The following C16orf78 variants were observed in gnomAD, a reference collection of about 807,000 sequenced individuals.
The protein encoded by C16orf78 is uncharacterized protein C16orf78.
A neutral mutation model predicts 27.3 loss-of-function variants in C16orf78; 19 were observed. The ratio of observed to expected loss-of-function variants is 0.70; its 90% CI spans 0.49 to 1.02. The LOEUF is 1.02. Ranked by LOEUF, C16orf78 falls within the 50% of genes least tolerant of loss-of-function variation. The probability of loss-of-function intolerance (pLI) is 0.00; values close to 1 mark genes in which losing one functional copy is unlikely to be tolerated. For missense variants in C16orf78, 339 were observed against 337.0 expected, an observed-to-expected ratio of 1.01 and a Z score of -0.05; for synonymous variants, 130 against 116.1, an observed-to-expected ratio of 1.12 and a Z score of -0.77.
intron 1 of C16orf78, among the ~76,000 whole-genome samples, chr16:49,375,267 A>G (rs1264215805): frequency 1.3e-5 from 2 of 152,148 alleles, no homozygotes; most frequent in African/African-American, 4.8e-5. Flanking sequence ...TTGTGTGCTT[A>G]CTTACTGTAT....
At chr16:49,375,661 C>T (rs1318722155) in intron 1 of C16orf78, among the ~76,000 whole-genome samples, 1 of 152,134 alleles carries the variant, frequency 6.6e-6, no homozygotes, top group Admixed American at 6.5e-5. Flanking sequence ...TGGGGAGAGA[C>T]GCAGATCCAA....
intron 3 of C16orf78, among the ~76,000 whole-genome samples, chr16:49,388,467 C>T (rs1965375480): frequency 6.6e-6 from 1 of 152,096 alleles, no homozygotes; most frequent in Non-Finnish European, 1.5e-5. Flanking sequence ...TCATTATTTA[C>T]CCAAAAGTCA....
At chr16:49,396,720 G>T in intron 4 of C16orf78, 42 bp downstream of exon 4, 1 of 1,587,390 alleles carries the variant, frequency 6.3e-7, no homozygotes, top group South Asian at 1.1e-5. Flanking sequence ...TGGGGTCCTG[G>T]AACAGGCTTT....
intron 3 of C16orf78, among the ~76,000 whole-genome samples, chr16:49,385,067 C>G (rs1177229383): frequency 6.6e-6 from 1 of 151,986 alleles, no homozygotes; most frequent in African/African-American, 2.4e-5. Context: ...TAAAAGGACA[C>G]TAATTAACAA....
chr16:49,392,785 C>T (rs931462188), intron 3 of C16orf78, among the ~76,000 whole-genome samples: 2 of 152,132 alleles, frequency 1.3e-5, no homozygotes, highest in South Asian at 2.1e-4. Context: ...ATAAATGATG[C>T]TATCACCCAA....
At chr16:49,382,305 C>A (rs914963098) in intron 3 of C16orf78, among the ~76,000 whole-genome samples, 1 of 151,994 alleles carries the variant, frequency 6.6e-6, no homozygotes, top group South Asian at 2.1e-4. Flanking sequence ...AGGAGATATA[C>A]CTAATGCTAG....
rs1965185021 is a variant in C16orf78, at chr16:49,373,948, G to T, written c.9G>T (p.Glu3Asp). The T allele has an allele frequency of 6.2e-7, 1 of 1,614,026 alleles. No homozygotes were observed. Among genetic ancestry groups the T allele is most frequent in the Admixed American group, 1.7e-5 (1 of 60,000 alleles). MS[E>D]QQMDLKDLMP... ...ACTAGCAAGACTCCACAATGTCAGA[G>T]CAACAAATGGACCTGAAGGATTTAA... The change falls in exon 1 of 5, where the codon GAG (glutamate) becomes GAT (aspartate). Residue 3 changes from glutamate (E) to aspartate (D), a missense_variant. Glu to Asp is a conservative substitution (Grantham distance 45, BLOSUM62 2). Transcript: ENST00000299191.
At chr16:49,393,250 A>C (rs755320892) in intron 3 of C16orf78, among the ~76,000 whole-genome samples, 15 of 152,198 alleles carry the variant, frequency 9.9e-5, no homozygotes, top group Non-Finnish European at 1.6e-4. Context: ...CTCCTTCAGA[A>C]CCAAATAGAA....
chr16:49,396,469 A>G lies in C16orf78; in HGVS notation c.441A>G (p.Pro147=), dbSNP rs779844897. The part of the protein sequence containing the change: ...DAVDPESTQR[P]NPFRRQSIVL... Reference sequence around the variant, plus strand: ...TCGACCCAGAGTCCACTCAGCGGCCAAACCCATTCCGTCGACAAAGCATTG... The same window carrying G: ...TCGACCCAGAGTCCACTCAGCGGCCGAACCCATTCCGTCGACAAAGCATTG... Residue 147 remains proline (P), a synonymous_variant, in exon 4 of 5, where the codon CCA becomes CCG. Coordinates refer to ENST00000299191, the MANE Select transcript of C16orf78 (RefSeq NM_144602.4). 1.2e-6 allele frequency: 2 copies of G among 1,614,206 alleles called. No homozygotes were observed. Among genetic ancestry groups the G allele is most frequent in the Non-Finnish European group, 1.7e-6 (2 of 1,180,040 alleles).
chr16:49,380,409 TG>T (rs1317767194), intron 3 of C16orf78, among the ~76,000 whole-genome samples: 1 of 152,240 alleles, frequency 6.6e-6, no homozygotes, highest in Non-Finnish European at 1.5e-5. Flanking sequence ...TTATGCCTTA[TG>T]GGAAGCCCCA....
At chr16:49,399,005 C>G in intron 4 of C16orf78, 126 bp from the exon 5 acceptor site, 1 of 1,022,256 alleles carries the variant, frequency 9.8e-7, no homozygotes, top group Non-Finnish European at 1.4e-6. Flanking sequence ...CCATGGATGA[C>G]TGGGAGAGAC....
chr16:49,377,862 C>T lies in C16orf78; in HGVS notation c.270+12C>T, dbSNP rs199531733. Reference sequence around the variant, plus strand: ...AGACTTCCCAGCAGGTAATGCAGCCCCTCTTCCCCCACTCACCCCCACTGG... The same window carrying T: ...AGACTTCCCAGCAGGTAATGCAGCCTCTCTTCCCCCACTCACCCCCACTGG... On this transcript the variant is annotated intron_variant, in intron 2 of 4. Coordinates refer to ENST00000299191, the MANE Select transcript of C16orf78 (RefSeq NM_144602.4). The T allele has an allele frequency of 1.9e-4, 291 of 1,560,860 alleles. 1 individual carries two copies. The African/African-American group carries it at 3.6e-3, about 19-fold the overall frequency.
intron 3 of C16orf78, among the ~76,000 whole-genome samples, chr16:49,393,213 C>T (rs1965434023): frequency 6.6e-6 from 1 of 152,116 alleles, no homozygotes; most frequent in East Asian, 1.9e-4. Context: ...CCCATTCTCC[C>T]CACTATAGGG....
intron 3 of C16orf78, among the ~76,000 whole-genome samples, chr16:49,393,520 A>T (rs571910747): frequency 3.9e-5 from 6 of 152,314 alleles, no homozygotes; most frequent in African/African-American, 1.4e-4. Context: ...CTTCCAAATT[A>T]CCCTTGTATC....
intron 3 of C16orf78, among the ~76,000 whole-genome samples, chr16:49,393,668 C>T (rs1381368377): frequency 1.3e-5 from 2 of 151,496 alleles, no homozygotes; most frequent in Non-Finnish European, 3.0e-5. Context: ...AAGAAAATGC[C>T]AACACTTTTA....
At position 49,377,812 on chromosome 16, in the gene C16orf78, CG is replaced by C. The variant is rs774172216; in HGVS notation, c.236del (p.Gly79GlufsTer14). 1 of 1,588,986 alleles carries C rather than the reference CG, an allele frequency of 6.3e-7. No homozygotes were observed. The highest frequency in any genetic ancestry group is 8.6e-7 in the Non-Finnish European group (1 of 1,166,746). On this transcript the variant is annotated frameshift_variant, in exon 2 of 5. Transcript: ENST00000299191. LOFTEE classifies it high-confidence loss of function. ...EKKGKGLMTA[R>X]GGNRRDTETS... ...GAAAGGCAAAGGCCTCATGACAGCA[CG>C]GGGAGGGAACCGCAGGGACACGGAG...
rs755381344 is a variant in C16orf78, at chr16:49,399,174, T to G, written c.694T>G (p.Leu232Val). Residue 232 changes from leucine (L) to valine (V), a missense_variant, in exon 5 of 5, where the codon TTG becomes GTG. By Grantham distance (32) the Leu-to-Val change is conservative. Transcript: ENST00000299191. The stretch of plus-strand genomic sequence containing the variant: ...GGAGAACATTCGGACCTTGCTCAAG[T>G]TGTGCAAGGATGCAGGAATGAATGT... ...SKENIRTLLK[L>V]CKDAGMNVDI... The G allele has an allele frequency of 1.9e-6, 3 of 1,614,016 alleles. No homozygotes were observed. Among genetic ancestry groups the G allele is most frequent in the Admixed American group, 3.3e-5 (2 of 60,008 alleles).
intron 4 of C16orf78, 83 bp from the exon 5 acceptor site, chr16:49,399,048 C>A (rs1965508944): frequency 6.8e-7 from 1 of 1,475,120 alleles, no homozygotes; most frequent in Non-Finnish European, 9.3e-7. Context: ...CTTACTGCTG[C>A]TCAAATCTAA....
chr16:49,374,176 A>G, intron 1 of C16orf78, 87 bp downstream of exon 1: 2 of 1,510,742 alleles, frequency 1.3e-6, no homozygotes, highest in Non-Finnish European at 1.8e-6. Context: ...CTCTCCTGAA[A>G]CAAAAGGCGG....
Sources: allele counts gnomAD v4.1 joint callset (sites outside exome capture counted in the v4.1 genomes callset), GRCh38; gene constraint gnomAD v4.1.1; transcripts MANE v1.5; gene names NCBI Gene and HGNC (gene_info 2026-07-23, HGNC 2026-07-21).